RASSF8: variants seen among roughly 807,000 people sequenced by gnomAD.
RASSF8 encodes ras association domain-containing protein 8.
A neutral mutation model predicts 48.5 loss-of-function variants in RASSF8; 22 were observed. The observed-to-expected ratio is 0.45, with a 90% confidence interval of 0.32 to 0.65. RASSF8 has a LOEUF of 0.65. Among genes scored for constraint, RASSF8 ranks in the 30% least tolerant of loss-of-function variants. The probability of loss-of-function intolerance (pLI) is 0.03; values close to 1 mark genes in which losing one functional copy is unlikely to be tolerated. For missense variants in RASSF8, 418 were observed against 489.2 expected (o/e 0.85, Z 1.37); for synonymous variants, 127 against 171.5 (o/e 0.74, Z 2.03).
intron 2 of RASSF8, among the ~76,000 whole-genome samples, chr12:26,029,955 A>G (rs1460433295): frequency 6.6e-6 from 1 of 152,190 alleles, no homozygotes; most frequent in Non-Finnish European, 1.5e-5. Flanking sequence ...TGTTTTTATT[A>G]CAGTCTTTGC....
intron 2 of RASSF8, among the ~76,000 whole-genome samples, chr12:26,020,721 A>C (rs190272266): frequency 1.3e-5 from 2 of 152,282 alleles, no homozygotes; most frequent in Admixed American, 1.3e-4. Context: ...ATTTACTTAC[A>C]TTGTGAACCA....
At chr12:25,987,575 G>A (rs1941916650) in intron 1 of RASSF8, among the ~76,000 whole-genome samples, 1 of 152,080 alleles carries the variant, frequency 6.6e-6, no homozygotes, top group Admixed American at 6.5e-5. Context: ...AGCTTGAAGT[G>A]GCTTTATTGT....
downstream of RASSF8, among the ~76,000 whole-genome samples, chr12:26,073,647 G>C (rs1944038277): frequency 6.6e-6 from 1 of 151,830 alleles, no homozygotes; most frequent in Non-Finnish European, 1.5e-5. Flanking sequence ...GCTGAGGTGG[G>C]AGAACCACTT....
intron 2 of RASSF8, among the ~76,000 whole-genome samples, chr12:26,048,352 T>G (rs1355290506): frequency 1.3e-5 from 2 of 152,280 alleles, no homozygotes; most frequent in Admixed American, 1.3e-4. Flanking sequence ...TTTTTGAGTG[T>G]TGCTGGTAGG....
Position 26,065,326 on chromosome 12 carries a change from G to C in RASSF8, c.932G>C (p.Arg311Thr), listed in dbSNP as rs757670135. The change falls in exon 4 of 6, where the codon AGG becomes ACG. Residue 311 changes from arginine (R) to threonine (T), a missense_variant. Transcript: ENST00000689635. ...EIDIQGQQSL[R>T]LENGIKAVER... is the part of the protein sequence containing the mutation. ...GACATTCAAGGCCAGCAGAGTCTGA[G>C]GTTGGAAAATGGCATCAAAGCTGTG... 2.9e-5 allele frequency: 47 copies of C among 1,613,984 alleles called. No individual in the cohort carries two copies. The highest frequency in any genetic ancestry group is 4.0e-5 in the Non-Finnish European group (47 of 1,180,016).
chr12:25,990,817 T>A (rs1045686371), intron 1 of RASSF8, among the ~76,000 whole-genome samples: 1 of 152,238 alleles, frequency 6.6e-6, no homozygotes, highest in Non-Finnish European at 1.5e-5. Flanking sequence ...ATATCACTTA[T>A]GAAAATGTGC....
chr12:26,078,941 G>T (rs1265529899), intron 5 of RASSF8: 1 of 1,218,328 alleles, frequency 8.2e-7, no homozygotes, highest in Non-Finnish European at 1.1e-6. Flanking sequence ...CCAAACTAAA[G>T]CTAGTAATTG....
At chr12:25,975,013 T>G (rs1401947065) in intron 1 of RASSF8, among the ~76,000 whole-genome samples, 1 of 152,086 alleles carries the variant, frequency 6.6e-6, no homozygotes, top group Non-Finnish European at 1.5e-5. Flanking sequence ...ATTTGTGAAG[T>G]GTGATAATGG....
chr12:26,018,314 A>G (rs1006513853), intron 2 of RASSF8, among the ~76,000 whole-genome samples: 4 of 152,160 alleles, frequency 2.6e-5, no homozygotes, highest in Non-Finnish European at 5.9e-5. Flanking sequence ...TTCTTAAACT[A>G]TTTTTGAAAT....
intron 5 of RASSF8, 42 bp downstream of exon 5, chr12:26,067,755 A>G (rs1427531877): frequency 1.9e-6 from 3 of 1,606,432 alleles, no homozygotes; most frequent in Non-Finnish European, 2.6e-6. Flanking sequence ...CTTTATTCTC[A>G]CTGCTTAACT....
chr12:26,054,382 A>C lies in RASSF8; in HGVS notation c.-108-854A>C, dbSNP rs562061156. Among the ~76,000 whole-genome samples the C allele has an allele frequency of 3.3e-5, 5 of 152,360 alleles. No individual in the cohort carries two copies. The South Asian group carries it at 8.3e-4, about 25-fold the overall frequency. ...TTATAATGCAGCCAAATACAAAATC[A>C]AACACTGGGTAAACACAGCAAGTAG... On this transcript the variant is annotated intron_variant, in intron 2 of 5. Transcript: ENST00000689635.
At chr12:26,068,620 A>C in intron 5 of RASSF8, 77 bp from the exon 6 acceptor site, 1 of 1,143,786 alleles carries the variant, frequency 8.7e-7, no homozygotes, top group Non-Finnish European at 1.3e-6. Context: ...TGGGGTAGGA[A>C]GCAGTCTGAT....
At chr12:26,008,596 TAAG>T (rs1045951113) in intron 2 of RASSF8, among the ~76,000 whole-genome samples, 1 of 152,226 alleles carries the variant, frequency 6.6e-6, no homozygotes, top group Non-Finnish European at 1.5e-5. Flanking sequence ...TTTCTTATGT[TAAG>T]AAGTAGAAAT....
intron 2 of RASSF8, among the ~76,000 whole-genome samples, chr12:26,015,348 A>G (rs1942623318): frequency 6.6e-6 from 1 of 152,216 alleles, no homozygotes; most frequent in South Asian, 2.1e-4. Flanking sequence ...TGAGCCAAAG[A>G]CCACAAAAAA....
In RASSF8 at chr12:26,069,396, C is replaced by G. The variant is rs957503884; in HGVS notation, c.*578C>G. 1.0e-6 allele frequency: 1 copy of G among 984,874 alleles called. No individual in the cohort carries two copies. The highest frequency in any genetic ancestry group is 1.7e-5 in the African/African-American group (1 of 57,214). 61.0% of individuals were successfully genotyped at this position (984,874 alleles called of 1,614,324 possible). On this transcript the variant is annotated 3_prime_UTR_variant, in exon 6 of 6. Transcript: ENST00000689635. ...CATTTGTTTTGTGAAACTGTCCTAG[C>G]CATTGCTTAATTAGGTGAAATAATT...
At chr12:26,077,459 C>T (rs1944082292), downstream of RASSF8, among the ~76,000 whole-genome samples, 1 of 152,150 alleles carries the variant, frequency 6.6e-6, no homozygotes, top group Non-Finnish European at 1.5e-5. Flanking sequence ...AGGAAGGGAT[C>T]CAGTTTCAGC....
At chr12:26,075,137 C>T (rs2669566), downstream of RASSF8, among the ~76,000 whole-genome samples, 122,042 of 151,920 alleles carry the variant, frequency 0.8, 49,168 homozygotes, top group African/African-American at 0.86. Context: ...GGCACCTTCT[C>T]TGAGCCAGGA....
At chr12:26,011,834 T>C (rs1592264380) in intron 2 of RASSF8, 1 of 152,072 alleles carries the variant, frequency 6.6e-6, no homozygotes, top group African/African-American at 2.4e-5. Context: ...GAGAAGAAAA[T>C]TTGTGTTGTT....
intron 1 of RASSF8, among the ~76,000 whole-genome samples, chr12:25,964,694 G>A (rs1262723993): frequency 6.6e-6 from 1 of 152,104 alleles, no homozygotes; most frequent in African/African-American, 2.4e-5. Flanking sequence ...CAGAAAGTAA[G>A]GTTTTACCCT....
Sources: gnomAD v4.1 joint callset for allele counts (sites outside exome capture counted in the v4.1 genomes callset) on GRCh38, gnomAD v4.1.1 for gene constraint, MANE v1.5 for transcripts, NCBI Gene and HGNC (gene_info 2026-07-23, HGNC 2026-07-21) for gene names.